The following NT5DC3 variants were observed in gnomAD, a reference collection of about 807,000 sequenced individuals.
The protein encoded by NT5DC3 is 5'-nucleotidase domain containing 3.
In NT5DC3, 42 loss-of-function variants were observed where a neutral mutation model predicts 67.8. The observed-to-expected ratio is 0.62, with a 90% confidence interval of 0.48 to 0.80. The LOEUF is 0.80. Among genes scored for constraint, NT5DC3 ranks in the 30% least tolerant of loss-of-function variants. The pLI, the probability that NT5DC3 is intolerant of heterozygous loss-of-function variation, is 0.00. For synonymous variants in NT5DC3, 237 were observed against 255.6 expected, an observed-to-expected ratio of 0.93 and a Z score of 0.69; for missense variants, 570 against 696.4, an observed-to-expected ratio of 0.82 and a Z score of 2.04.
intron 1 of NT5DC3, among the ~76,000 whole-genome samples, chr12:103,832,862 T>A (rs928503201): frequency 2.6e-5 from 4 of 152,186 alleles, no homozygotes; most frequent in African/African-American, 9.6e-5. Context: ...AAGATTCCCC[T>A]GGAATCCCCT....
chr12:103,798,537 T>A (rs1206389876), intron 5 of NT5DC3, 50 bp downstream of exon 5: 1 of 1,314,252 alleles, frequency 7.6e-7, no homozygotes, highest in South Asian at 1.2e-5. Context: ...CAAGGCCATG[T>A]TTCAAGAAGG....
At chr12:103,836,473 T>C (rs2139489020) in intron 1 of NT5DC3, among the ~76,000 whole-genome samples, 1 of 152,254 alleles carries the variant, frequency 6.6e-6, no homozygotes, top group East Asian at 1.9e-4. Flanking sequence ...AGCCAGGCAG[T>C]CAAATTTTAA....
At chr12:103,749,577 C>A in the NT5DC3 span, among the ~76,000 whole-genome samples, 8 of 151,868 alleles carry the variant, frequency 5.3e-5, no homozygotes, top group East Asian at 1.4e-3. Flanking sequence ...CGCCTGTAAT[C>A]CCAGTACTTT....
rs886742697 is a variant in NT5DC3 at position 103,785,752 on chromosome 12, A to T, written c.1189-277T>A. ...TCTGGAATCATTAACCATGGTCTGT[A>T]AAAAAAAAAAAAAAAAAAAAAAAAA... On this transcript the variant is annotated intron_variant, in intron 11 of 13. Coordinates refer to ENST00000392876, the MANE Select transcript of NT5DC3 (RefSeq NM_001031701.3). 29 of 14,160 alleles carry T rather than the reference A, an allele frequency of 2.0e-3. No homozygotes were observed. In the South Asian group the frequency reaches 0.028, roughly 14 times the overall value. The allele number at this position is 14,160 out of a possible 1,614,324, so 0.9% of individuals were successfully genotyped here. A position where few individuals can be genotyped will look rare whatever the true frequency, so the allele number is the denominator to read the frequency against.
Position 103,773,939 on chromosome 12 carries a change from T to C in NT5DC3, c.*3890A>G, listed in dbSNP as rs1315569517. The C allele has an allele frequency of 1.3e-5, 2 of 152,652 alleles. No individual in the cohort carries two copies. Among genetic ancestry groups the C allele is most frequent in the Admixed American group, 1.3e-4 (2 of 15,282 alleles). 9.5% of individuals were successfully genotyped at this position (152,652 alleles called of 1,614,324 possible). ...ATGCCCAAATCAGTAGCAAGTGGTT[T>C]ATGTTACATAATATTAATGGGAATA... On this transcript the variant is annotated 3_prime_UTR_variant, in exon 14 of 14. Coordinates refer to ENST00000392876, the MANE Select transcript of NT5DC3 (RefSeq NM_001031701.3).
chr12:103,824,710 GGCAATGA>G (rs1887620739), intron 1 of NT5DC3, among the ~76,000 whole-genome samples: 1 of 113,818 alleles, frequency 8.8e-6, no homozygotes, highest in African/African-American at 3.1e-5. Context: ...ACACAATAAA[GGCAATGA>G]GCACCTAACA....
At chr12:103,779,207 C>T (rs921176612) in intron 13 of NT5DC3, among the ~76,000 whole-genome samples, 3 of 152,144 alleles carry the variant, frequency 2.0e-5, no homozygotes, top group Non-Finnish European at 4.4e-5. Context: ...GGAAGTGAGG[C>T]TGTTCACCCC....
chr12:103,761,653 G>A, the NT5DC3 span, among the ~76,000 whole-genome samples: 1 of 152,066 alleles, frequency 6.6e-6, no homozygotes, highest in African/African-American at 2.4e-5. Context: ...GAAAGGGGGA[G>A]GATGGGCCAC....
the NT5DC3 span, chr12:103,761,525 G>GA: frequency 2.1e-6 from 2 of 933,306 alleles, no homozygotes; most frequent in Non-Finnish European, 3.2e-6. Context: ...GAGACTGGAG[G>GA]AGCCTCCAGC....
intron 1 of NT5DC3, among the ~76,000 whole-genome samples, chr12:103,816,953 GTCTTT>G (rs1027275470): frequency 4.5e-5 from 6 of 133,802 alleles, no homozygotes; most frequent in African/African-American, 7.9e-5. Context: ...CATCTTGGCA[GTCTTT>G]TCTTTTTTCT....
At chr12:103,749,205 G>T in the NT5DC3 span, 1 of 1,533,542 alleles carries the variant, frequency 6.5e-7, no homozygotes, top group Non-Finnish European at 8.8e-7. Flanking sequence ...CGTGGGCTTC[G>T]CTCCTCCTTG....
chr12:103,748,741 A>G, the NT5DC3 span, among the ~76,000 whole-genome samples: 1 of 152,262 alleles, frequency 6.6e-6, no homozygotes, highest in South Asian at 2.1e-4. Context: ...AGGGGGCAGA[A>G]GCGGACAGAT....
rs1888401701 is a variant in NT5DC3 at position 103,841,073 on chromosome 12, C to T, written c.84G>A (p.Gly28=). 7.9e-7 allele frequency: 1 copy of T among 1,266,758 alleles called. No homozygotes were observed. Among genetic ancestry groups the T allele is most frequent in the Non-Finnish European group, 9.9e-7 (1 of 1,006,302 alleles). The allele number at this position is 1,266,758 out of a possible 1,614,324, so 78.5% of individuals were successfully genotyped here. ...ATAAALRGGC[G]TAARGRPCAG... Reference sequence around the variant, plus strand: ...CACACGGCCGCCCCCGAGCCGCGGTCCCGCAGCCACCCCGCAAAGCCGCCG... The same window carrying T: ...CACACGGCCGCCCCCGAGCCGCGGTTCCGCAGCCACCCCGCAAAGCCGCCG... Residue 28 remains glycine (G), a synonymous_variant, in exon 1 of 14, where the codon GGG becomes GGA. Transcript: ENST00000392876.
chr12:103,759,362 A>C, the NT5DC3 span: 1 of 1,522,350 alleles, frequency 6.6e-7, no homozygotes, highest in Non-Finnish European at 8.8e-7. Context: ...GATGGCAACT[A>C]TTATGCAAAC....
chr12:103,748,993 G>A, the NT5DC3 span: 10 of 1,614,020 alleles, frequency 6.2e-6, no homozygotes, highest in Non-Finnish European at 8.5e-6. Flanking sequence ...GACAACGGGG[G>A]CTGTGCAAAG....
chr12:103,754,026 G>C, the NT5DC3 span, among the ~76,000 whole-genome samples: 1 of 152,210 alleles, frequency 6.6e-6, no homozygotes, highest in African/African-American at 2.4e-5. Flanking sequence ...CTAGCAGGTT[G>C]GAGTTCCAGG....
At chr12:103,811,321 T>TG (rs945841273) in intron 2 of NT5DC3, among the ~76,000 whole-genome samples, 26 of 152,092 alleles carry the variant, frequency 1.7e-4, no homozygotes, top group African/African-American at 5.8e-4. Flanking sequence ...AAGCCTCATC[T>TG]GGGGGAAGAA....
intron 9 of NT5DC3, among the ~76,000 whole-genome samples, chr12:103,790,267 G>GTTTAT (rs894287761): frequency 6.6e-5 from 10 of 151,696 alleles, no homozygotes; most frequent in African/African-American, 1.7e-4. Context: ...GCCATACCTA[G>GTTTAT]TTTATTTTAT....
At chr12:103,769,020 G>C (rs1360731757), downstream of NT5DC3, among the ~76,000 whole-genome samples, 1 of 152,122 alleles carries the variant, frequency 6.6e-6, no homozygotes, top group Non-Finnish European at 1.5e-5. Flanking sequence ...AAGTGGCTTT[G>C]TCAGTTCCAT....
Sources: gnomAD v4.1 joint callset for allele counts (sites outside exome capture counted in the v4.1 genomes callset) on GRCh38, gnomAD v4.1.1 for gene constraint, MANE v1.5 for transcripts, NCBI Gene and HGNC (gene_info 2026-07-23, HGNC 2026-07-21) for gene names.